The following NAALADL2 variants were observed in gnomAD, a reference collection of about 807,000 sequenced individuals.
NAALADL2 encodes N-acetylated alpha-linked acidic dipeptidase like 2, also known as inactive N-acetylated-alpha-linked acidic dipeptidase-like protein 2.
Under a neutral mutation model 87.2 loss-of-function variants are expected in NAALADL2, and 76 were observed. That is an observed-to-expected ratio of 0.87 (90% CI 0.72 to 1.05). NAALADL2 has a LOEUF of 1.05. Ranked by LOEUF, NAALADL2 falls within the 50% of genes least tolerant of loss-of-function variation. The pLI is 0.00. For missense variants in NAALADL2, 1,089 were observed against 945.8 expected (o/e 1.15, Z -1.99); for synonymous variants, 354 against 331.0 (o/e 1.07, Z -0.75).
intron 3 of NAALADL2, among the ~76,000 whole-genome samples, chr3:174,787,608 T>TACATATATATATATATATACAC (rs1284867078): frequency 9.1e-6 from 1 of 109,340 alleles, no homozygotes; most frequent in Non-Finnish European, 2.0e-5. Flanking sequence ...TATATATATA[T>TACATATATATATATATATACAC]ATATATATAT....
At chr3:174,832,103 T>G (rs1722781722) in intron 3 of NAALADL2, among the ~76,000 whole-genome samples, 1 of 152,178 alleles carries the variant, frequency 6.6e-6, no homozygotes, top group Admixed American at 6.5e-5. Flanking sequence ...TGTGTCTCTA[T>G]TTCCTTCAGT....
intron 1 of NAALADL2, among the ~76,000 whole-genome samples, chr3:175,009,615 T>A (rs1468488207): frequency 2.0e-5 from 3 of 152,188 alleles, no homozygotes; most frequent in Non-Finnish European, 4.4e-5. Flanking sequence ...AAAATATCAA[T>A]TAACTCTTAT....
intron 5 of NAALADL2, among the ~76,000 whole-genome samples, chr3:175,417,760 A>C (rs1714915984): frequency 6.6e-6 from 1 of 152,178 alleles, no homozygotes; most frequent in South Asian, 2.1e-4. Flanking sequence ...TGTGTAACAC[A>C]TATTTAGTTT....
At chr3:175,002,442 C>T (rs970766878) in intron 1 of NAALADL2, among the ~76,000 whole-genome samples, 2 of 152,122 alleles carry the variant, frequency 1.3e-5, no homozygotes, top group African/African-American at 2.4e-5. Context: ...GAAAAACACT[C>T]CTTAAAGCTA....
At chr3:175,258,418 T>C (rs1750454227) in intron 4 of NAALADL2, among the ~76,000 whole-genome samples, 1 of 151,456 alleles carries the variant, frequency 6.6e-6, no homozygotes, top group African/African-American at 2.4e-5. Flanking sequence ...TATACTTGCC[T>C]GTGTGGGGTG....
rs1181939373 is a variant in NAALADL2 at position 174,987,653 on chromosome 3, G to C, written c.44-109137G>C. On this transcript the variant is annotated intron_variant, in intron 1 of 13. Transcript: ENST00000454872. ...TTATTTTTTTTGAAGTTATAGACAG[G>C]GTGTCACTCTGTCACCAGTCTGGAG... is the stretch of plus-strand genomic sequence containing the variant. Among the ~76,000 whole-genome samples, 6 of 146,292 alleles carry C rather than the reference G, an allele frequency of 4.1e-5. No individual in the cohort carries two copies. In the East Asian group the frequency reaches 6.0e-4, roughly 15 times the overall value.
intron 1 of NAALADL2, among the ~76,000 whole-genome samples, chr3:174,517,159 T>C (rs1878019): frequency 6.6e-6 from 1 of 151,956 alleles, no homozygotes; most frequent in Non-Finnish European, 1.5e-5. Context: ...AAGAGAAAAT[T>C]AACACAGTTT....
intron 5 of NAALADL2, among the ~76,000 whole-genome samples, chr3:175,333,151 G>T (rs1386152994): frequency 6.6e-6 from 1 of 152,136 alleles, no homozygotes; most frequent in Non-Finnish European, 1.5e-5. Flanking sequence ...CTTTGTGCTG[G>T]TACTAGTGGT....
chr3:175,726,086 C>T (rs61194694), intron 11 of NAALADL2, among the ~76,000 whole-genome samples: 39,005 of 151,598 alleles, frequency 0.26, 5,449 homozygotes, highest in African/African-American at 0.36. Context: ...TAGCAGAAAA[C>T]ACAAATATAT....
chr3:175,735,588 C>T (rs554094855), intron 11 of NAALADL2, among the ~76,000 whole-genome samples: 1 of 152,298 alleles, frequency 6.6e-6, no homozygotes, highest in African/African-American at 2.4e-5. Context: ...GAGCAAGTCA[C>T]ATCTTTCATG....
chr3:174,822,364 C>T (rs950893798), intron 3 of NAALADL2, among the ~76,000 whole-genome samples: 1 of 152,028 alleles, frequency 6.6e-6, no homozygotes, highest in African/African-American at 2.4e-5. Flanking sequence ...TCTAGAAAAG[C>T]TAGAAGTCTG....
chr3:174,493,902 G>C (rs1718362021), intron 1 of NAALADL2, among the ~76,000 whole-genome samples: 3 of 152,186 alleles, frequency 2.0e-5, no homozygotes, highest in Admixed American at 1.3e-4. Context: ...AATATTGTTT[G>C]AAAAGTGCTG....
chr3:174,965,993 G>T (rs1003512823), intron 1 of NAALADL2, among the ~76,000 whole-genome samples: 12 of 152,084 alleles, frequency 7.9e-5, no homozygotes, highest in Non-Finnish European at 1.6e-4. Context: ...GGATTGTCTG[G>T]CTTTTGTGAG....
intron 1 of NAALADL2, among the ~76,000 whole-genome samples, chr3:175,046,273 A>G (rs1015207245): frequency 1.3e-5 from 2 of 152,102 alleles, no homozygotes; most frequent in Non-Finnish European, 2.9e-5. Context: ...GATGGGCTTG[A>G]GATGGTAAAC....
intron 10 of NAALADL2, among the ~76,000 whole-genome samples, chr3:175,610,472 C>T (rs1263193827): frequency 6.6e-6 from 1 of 152,076 alleles, no homozygotes; most frequent in Non-Finnish European, 1.5e-5. Context: ...CTCATGACCA[C>T]ACAGATGGCT....
chr3:174,763,586 C>CAAAAAAAAAAAAAAAAAAAAAAAAAA lies in NAALADL2; in HGVS notation c.-9+25855_-9+25856insAAAAAAAAAAAAAAAAAAAAAAAAAA, dbSNP rs1163373340. 9.9e-4 allele frequency among the ~76,000 whole-genome samples: 48 copies of CAAAAAAAAAAAAAAAAAAAAAAAAAA among 48,334 alleles called. 4 individuals carry two copies. The highest frequency in any genetic ancestry group is 1.9e-3 in the Admixed American group (7 of 3,734). 31.7% of individuals were successfully genotyped at this position (48,334 alleles called of 152,430 possible). On this transcript the variant is annotated intron_variant, in intron 3 of 3. Coordinates refer to the NAALADL2 transcript ENST00000434257. ...TGGGCTACAGAGCGAGACTCCATCT[C>CAAAAAAAAAAAAAAAAAAAAAAAAAA]AAAAAAAAAAAAAAAGACTAAAATG...
chr3:175,294,581 TCA>T (rs1439539989), intron 4 of NAALADL2, among the ~76,000 whole-genome samples: 1 of 152,200 alleles, frequency 6.6e-6, no homozygotes, highest in Non-Finnish European at 1.5e-5. Flanking sequence ...TTGCCCAAGA[TCA>T]CGTAGCTTGG....
chr3:175,396,517 G>A (rs1406706123), intron 5 of NAALADL2, among the ~76,000 whole-genome samples: 3 of 150,208 alleles, frequency 2.0e-5, no homozygotes, highest in East Asian at 2.0e-4. Context: ...CAAGTAGATT[G>A]AAGCACACAT....
At chr3:175,617,021 G>T (rs1177776050) in intron 10 of NAALADL2, among the ~76,000 whole-genome samples, 3 of 152,114 alleles carry the variant, frequency 2.0e-5, no homozygotes, top group Non-Finnish European at 4.4e-5. Flanking sequence ...GAGTCATGAG[G>T]ATGGTAGTTC....
Sources: allele counts gnomAD v4.1 joint callset (sites outside exome capture counted in the v4.1 genomes callset), GRCh38; gene constraint gnomAD v4.1.1; transcripts MANE v1.5; gene names NCBI Gene and HGNC (gene_info 2026-07-23, HGNC 2026-07-21).